BTBD8: variants seen among roughly 807,000 people sequenced by gnomAD.
BTBD8 encodes the protein BTB/POZ domain-containing protein 8.
A neutral mutation model predicts 162.9 loss-of-function variants in BTBD8; 110 were observed. The ratio of observed to expected loss-of-function variants is 0.68; its 90% CI spans 0.58 to 0.79. The LOEUF is 0.79. Among genes scored for constraint, BTBD8 ranks in the 30% least tolerant of loss-of-function variants. BTBD8 has a pLI of 0.00. For synonymous variants in BTBD8, 667 were observed against 716.1 expected, an observed-to-expected ratio of 0.93 and a Z score of 1.10; for missense variants, 1,905 against 2,085.4, an observed-to-expected ratio of 0.91 and a Z score of 1.68.
chr1:92,100,413 T>C (rs181976991), intron 2 of BTBD8, among the ~76,000 whole-genome samples: 7 of 151,428 alleles, frequency 4.6e-5, no homozygotes, highest in Non-Finnish European at 7.4e-5. Context: ...TTATTAAACA[T>C]TTGGTAGAAT....
rs759204314 is a variant in BTBD8, at chr1:92,147,200, G to T, written c.951G>T (p.Thr317=). The T allele has an allele frequency of 1.2e-6, 2 of 1,608,908 alleles. No individual in the cohort carries two copies. The highest frequency in any genetic ancestry group is 4.5e-5 in the East Asian group (2 of 44,592). The part of the protein sequence containing the change: ...FFQKPVPRTL[T]SILECLIIAH... ...TTTAGCCTGTTCCCAGAACATTGAC[G>T]TCTATACTAGAATGCCTGATTATTG... Residue 317 remains threonine, a synonymous_variant, in exon 8 of 18, where the codon ACG becomes ACT. Transcript: ENST00000636805.
intron 4 of BTBD8, among the ~76,000 whole-genome samples, chr1:92,128,495 G>A (rs1003717397): frequency 3.9e-5 from 6 of 151,958 alleles, no homozygotes; most frequent in Non-Finnish European, 7.4e-5. Flanking sequence ...AGCCAGGATG[G>A]TCTCGATCTC....
intron 4 of BTBD8, chr1:92,126,255 G>T: frequency 1.7e-6 from 1 of 589,734 alleles, no homozygotes; most frequent in South Asian, 1.4e-5. Context: ...AGAAAATGAA[G>T]AGTTTGTTGA....
At chr1:92,088,381 A>G (rs1557435703) in intron 1 of BTBD8, among the ~76,000 whole-genome samples, 1 of 152,224 alleles carries the variant, frequency 6.6e-6, no homozygotes, top group Non-Finnish European at 1.5e-5. Flanking sequence ...TAGTATATCT[A>G]AAGGAAAATC....
chr1:92,091,542 T>G (rs1218867444), intron 2 of BTBD8, among the ~76,000 whole-genome samples: 1 of 152,014 alleles, frequency 6.6e-6, no homozygotes, highest in African/African-American at 2.4e-5. Context: ...CTCTCTTTTT[T>G]TTTTTATTTT....
At chr1:92,104,466 A>G (rs938263628) in intron 3 of BTBD8, among the ~76,000 whole-genome samples, 1 of 152,366 alleles carries the variant, frequency 6.6e-6, no homozygotes, top group Non-Finnish European at 1.5e-5. Flanking sequence ...CTCAGAGAGC[A>G]TAAGAGACTT....
At chr1:92,150,784 G>A (rs1650027008) in intron 9 of BTBD8, 1 of 152,208 alleles carries the variant, frequency 6.6e-6, no homozygotes, top group Non-Finnish European at 1.5e-5. Context: ...GGAAACTGGA[G>A]TGTCCAGAGA....
Position 92,168,945 on chromosome 1 carries a change from C to G in BTBD8, c.1523C>G (p.Thr508Arg). ...LVQSFYAVRHTESWKLMSTDD... is the reference protein window; with the variant it reads ...LVQSFYAVRHRESWKLMSTDD... Reference sequence around the variant, plus strand: ...CAGTCTTTCTATGCTGTTCGTCACACAGAAAGCTGGAAGCTGATGAGCACA... The same window carrying G: ...CAGTCTTTCTATGCTGTTCGTCACAGAGAAAGCTGGAAGCTGATGAGCACA... The change falls in exon 12 of 18, where the codon ACA (threonine) becomes AGA (arginine). Residue 508 changes from threonine to arginine, a missense_variant. Physicochemically the swap from Thr to Arg is moderately conservative, Grantham distance 71. Transcript: ENST00000636805. 6.5e-7 allele frequency: 1 copy of G among 1,543,528 alleles called. No homozygotes were observed. The highest frequency in any genetic ancestry group is 8.8e-7 in the Non-Finnish European group (1 of 1,141,016).
chr1:92,083,253 C>T (rs925269202), intron 1 of BTBD8, among the ~76,000 whole-genome samples: 1 of 152,162 alleles, frequency 6.6e-6, no homozygotes, highest in East Asian at 1.9e-4. Context: ...AGCAGTCTGC[C>T]TCCTCTACAG....
chr1:92,142,952 A>G (rs994018941), intron 7 of BTBD8, among the ~76,000 whole-genome samples: 4 of 152,208 alleles, frequency 2.6e-5, no homozygotes, highest in Admixed American at 1.3e-4. Context: ...GAGGAGCAGG[A>G]GATCAGACCA....
intron 4 of BTBD8, among the ~76,000 whole-genome samples, chr1:92,123,196 G>GT (rs1649262941): frequency 6.6e-6 from 1 of 152,136 alleles, no homozygotes; most frequent in African/African-American, 2.4e-5. Flanking sequence ...TTCTGTTCCA[G>GT]TGATTTATAT....
intron 5 of BTBD8, among the ~76,000 whole-genome samples, chr1:92,137,923 G>A (rs1315493863): frequency 6.6e-6 from 1 of 152,184 alleles, no homozygotes. Flanking sequence ...CACACAGACT[G>A]TTGTGATCTT....
chr1:92,139,012 C>T (rs1456442228), intron 5 of BTBD8, among the ~76,000 whole-genome samples: 1 of 152,070 alleles, frequency 6.6e-6, no homozygotes, highest in Non-Finnish European at 1.5e-5. Flanking sequence ...GACCAGAGGG[C>T]GTTTGTTGAA....
At chr1:92,083,527 A>C (rs1305743710) in intron 1 of BTBD8, among the ~76,000 whole-genome samples, 2 of 152,026 alleles carry the variant, frequency 1.3e-5, no homozygotes, top group African/African-American at 4.8e-5. Flanking sequence ...GTAATAAATA[A>C]ATTTGGTAGC....
At chr1:92,089,949 G>A (rs1398420618) in intron 2 of BTBD8, among the ~76,000 whole-genome samples, 1 of 152,166 alleles carries the variant, frequency 6.6e-6, no homozygotes, top group Non-Finnish European at 1.5e-5. Context: ...GGAGAAACTA[G>A]TTTAAATTAA....
In BTBD8 at chr1:92,099,428, A is replaced by G. The variant is rs184531707; in HGVS notation, c.348-3045A>G. Among the ~76,000 whole-genome samples the G allele has an allele frequency of 5.2e-3, 793 of 152,204 alleles. 1 individual carries two copies. Among genetic ancestry groups the G allele is most frequent in the African/African-American group, 0.018 (758 of 41,512 alleles). ...TGGCTTGTCAATTTCTGCAAAAAAA[A>G]AAAAAAAGTCAGCTGGAATTTTAAT... On this transcript the variant is annotated intron_variant, in intron 2 of 17. Coordinates refer to ENST00000636805, the MANE Select transcript of BTBD8 (RefSeq NM_001376131.1).
At position 92,102,677 on chromosome 1, in the gene BTBD8, A is replaced by AT. The variant is rs766477686; in HGVS notation, c.544+14dup. ...ATGATTTCATTTCCAATGGTGAGGT[A>AT]TTTTTTATGGAGTTGTATTTATAGC... On this transcript the variant is annotated intron_variant, in intron 3 of 17. Transcript: ENST00000636805. The AT allele has an allele frequency of 3.4e-6, 5 of 1,459,050 alleles. No individual in the cohort carries two copies. The highest frequency in any genetic ancestry group is 2.5e-5 in the East Asian group (1 of 39,762). 90.4% of individuals were successfully genotyped at this position (1,459,050 alleles called of 1,614,324 possible).
Position 92,168,958 on chromosome 1 carries a change from G to A in BTBD8, c.1536G>A (p.Lys512=). The change falls in exon 12 of 18, where the codon AAG becomes AAA. Residue 512 remains lysine (K), a synonymous_variant. Coordinates refer to ENST00000636805, the MANE Select transcript of BTBD8 (RefSeq NM_001376131.1). ...CTGTTCGTCACACAGAAAGCTGGAA[G>A]CTGATGAGCACAGATGATCAACAGA... ...FYAVRHTESW[K]LMSTDDQQKI... 2 of 1,542,958 alleles carry A rather than the reference G, an allele frequency of 1.3e-6. No homozygotes were observed. Among genetic ancestry groups the A allele is most frequent in the South Asian group, 2.4e-5 (2 of 83,000 alleles).
intron 4 of BTBD8, among the ~76,000 whole-genome samples, chr1:92,112,014 A>G (rs1272803375): frequency 6.6e-6 from 1 of 152,212 alleles, no homozygotes; most frequent in Non-Finnish European, 1.5e-5. Flanking sequence ...GACAATGAAT[A>G]TAAGTCAATG....
Sources: allele counts gnomAD v4.1 joint callset (sites outside exome capture counted in the v4.1 genomes callset), GRCh38; gene constraint gnomAD v4.1.1; transcripts MANE v1.5; gene names NCBI Gene and HGNC (gene_info 2026-07-23, HGNC 2026-07-21).